The following RAB8B variants were observed in gnomAD, a reference collection of about 807,000 sequenced individuals.
The protein encoded by RAB8B is ras-related protein Rab-8B.
In RAB8B, 11 loss-of-function variants were observed where a neutral mutation model predicts 32.0. The observed-to-expected ratio is 0.34, with a 90% CI of 0.22 to 0.57. The LOEUF is 0.57. RAB8B is among the 20% of genes least tolerant of loss of function. The probability of loss-of-function intolerance (pLI) is 0.86; values close to 1 mark genes in which losing one functional copy is unlikely to be tolerated. For missense variants in RAB8B, 190 were observed against 258.5 expected (o/e 0.73, Z 1.82); for synonymous variants, 103 against 89.6 (o/e 1.15, Z -0.85).
At chr15:63,238,429 T>C (rs2038002397) in intron 1 of RAB8B, among the ~76,000 whole-genome samples, 1 of 152,138 alleles carries the variant, frequency 6.6e-6, no homozygotes, top group Admixed American at 6.5e-5. Flanking sequence ...GGCAGCTACT[T>C]GGGCTGCTCA....
intron 1 of RAB8B, among the ~76,000 whole-genome samples, chr15:63,237,700 C>G (rs1425392643): frequency 6.6e-6 from 1 of 152,030 alleles, no homozygotes; most frequent in Admixed American, 6.5e-5. Context: ...TCACTTTGCT[C>G]ATTGTTTCCT....
At chr15:63,258,527 G>C (rs537418432) in intron 5 of RAB8B, among the ~76,000 whole-genome samples, 1 of 152,098 alleles carries the variant, frequency 6.6e-6, no homozygotes, top group Admixed American at 6.5e-5. Flanking sequence ...CCAGATTCTT[G>C]GCATTTTGAG....
chr15:63,227,390 T>TA (rs762805253), intron 1 of RAB8B, among the ~76,000 whole-genome samples: 154 of 152,224 alleles, frequency 1.0e-3, no homozygotes, highest in Non-Finnish European at 2.4e-4. Context: ...ACTGTGCCTG[T>TA]AAAGTTATCT....
intron 2 of RAB8B, among the ~76,000 whole-genome samples, chr15:63,249,025 T>A (rs898824376): frequency 3.9e-5 from 6 of 152,196 alleles, no homozygotes; most frequent in Non-Finnish European, 8.8e-5. Context: ...AGCAAAAATA[T>A]ATGAAAGTTT....
chr15:63,262,044 C>T (rs1294693292), intron 6 of RAB8B, among the ~76,000 whole-genome samples: 1 of 152,132 alleles, frequency 6.6e-6, no homozygotes, highest in Non-Finnish European at 1.5e-5. Context: ...TATACATATT[C>T]AGCTATAAGA....
chr15:63,216,173 A>G (rs182066234), intron 1 of RAB8B, among the ~76,000 whole-genome samples: 8 of 151,748 alleles, frequency 5.3e-5, no homozygotes, highest in Non-Finnish European at 8.8e-5. Flanking sequence ...TTTAACATCC[A>G]TATAAATGTT....
intron 1 of RAB8B, among the ~76,000 whole-genome samples, chr15:63,195,392 G>A (rs1323207640): frequency 1.3e-5 from 2 of 152,224 alleles, no homozygotes; most frequent in Admixed American, 1.3e-4. Flanking sequence ...ATATGGATCT[G>A]TCTGAAGAAT....
chr15:63,254,518 A>G (rs567117268), intron 3 of RAB8B, among the ~76,000 whole-genome samples: 76 of 152,178 alleles, frequency 5.0e-4, no homozygotes, highest in Middle Eastern at 6.8e-3. Flanking sequence ...TGGACAGGTG[A>G]GTAGTTCTAG....
At chr15:63,224,907 A>G (rs960462699) in intron 1 of RAB8B, among the ~76,000 whole-genome samples, 5 of 152,170 alleles carry the variant, frequency 3.3e-5, no homozygotes, top group African/African-American at 1.2e-4. Context: ...CAACGAGGGG[A>G]GATCAGATAT....
At chr15:63,203,713 G>A (rs892613008) in intron 1 of RAB8B, among the ~76,000 whole-genome samples, 1 of 152,164 alleles carries the variant, frequency 6.6e-6, no homozygotes, top group Admixed American at 6.5e-5. Flanking sequence ...GTTGTGTTCC[G>A]TTATCCCTAT....
chr15:63,246,181 T>C (rs1290933300), intron 2 of RAB8B, among the ~76,000 whole-genome samples: 1 of 152,184 alleles, frequency 6.6e-6, no homozygotes, highest in Non-Finnish European at 1.5e-5. Context: ...CCAATAAAAT[T>C]TTTTAAATAA....
chr15:63,229,075 C>T (rs1222877947), intron 1 of RAB8B, among the ~76,000 whole-genome samples: 12 of 152,124 alleles, frequency 7.9e-5, no homozygotes, highest in South Asian at 2.1e-4. Flanking sequence ...TAAATATTTT[C>T]GAGATCTCTA....
intron 1 of RAB8B, among the ~76,000 whole-genome samples, chr15:63,207,438 C>T (rs1239867438): frequency 6.6e-6 from 1 of 152,152 alleles, no homozygotes. Context: ...CAGTTCATTT[C>T]CTCTTTTTAT....
At chr15:63,235,010 C>T (rs1463201032) in intron 1 of RAB8B, among the ~76,000 whole-genome samples, 2 of 152,188 alleles carry the variant, frequency 1.3e-5, no homozygotes, top group East Asian at 3.9e-4. Flanking sequence ...TGCCACCCCA[C>T]TTCCCTGCTC....
chr15:63,257,525 C>T (rs1343436077), intron 5 of RAB8B, among the ~76,000 whole-genome samples: 1 of 152,032 alleles, frequency 6.6e-6, no homozygotes, highest in Non-Finnish European at 1.5e-5. Context: ...CCTCGGCCTC[C>T]CAAAGTGCTG....
intron 1 of RAB8B, among the ~76,000 whole-genome samples, chr15:63,223,564 G>C (rs1158297523): frequency 1.3e-5 from 2 of 152,158 alleles, no homozygotes; most frequent in African/African-American, 4.8e-5. Flanking sequence ...CAATAAACAG[G>C]CTATACTACG....
At chr15:63,246,586 G>A (rs1230273385) in intron 2 of RAB8B, among the ~76,000 whole-genome samples, 1 of 152,156 alleles carries the variant, frequency 6.6e-6, no homozygotes, top group Non-Finnish European at 1.5e-5. Flanking sequence ...CTTGTGGGAG[G>A]GGTCATCTAC....
chr15:63,231,227 T>C (rs766194014), intron 1 of RAB8B, among the ~76,000 whole-genome samples: 4 of 152,238 alleles, frequency 2.6e-5, no homozygotes, highest in African/African-American at 9.6e-5. Flanking sequence ...AAAAGAGATA[T>C]CATTTGTTTT....
intron 3 of RAB8B, among the ~76,000 whole-genome samples, chr15:63,255,099 A>G (rs1254119378): frequency 1.3e-5 from 2 of 152,200 alleles, no homozygotes; most frequent in Non-Finnish European, 2.9e-5. Context: ...TTAGTAGAAG[A>G]GTAGAAAGCA....
Sources: gnomAD v4.1 joint callset for allele counts (sites outside exome capture counted in the v4.1 genomes callset) on GRCh38, gnomAD v4.1.1 for gene constraint, MANE v1.5 for transcripts, NCBI Gene and HGNC (gene_info 2026-07-23, HGNC 2026-07-21) for gene names.